Variants in CHRDL2 observed in about 807,000 individuals in gnomAD.
The protein encoded by CHRDL2 is chordin like 2.
Under a neutral mutation model 54.3 loss-of-function variants are expected in CHRDL2, and 41 were observed. That is an observed-to-expected ratio of 0.76 (90% CI 0.59 to 0.98). CHRDL2 has a LOEUF of 0.98. CHRDL2 is among the 50% of genes least tolerant of loss of function. The pLI is 0.00. For missense variants in CHRDL2, 518 were observed against 562.4 expected (o/e 0.92, Z 0.80); for synonymous variants, 220 against 224.3 (o/e 0.98, Z 0.17).
chr11:74,729,545 C>T (rs2034620943), intron 1 of CHRDL2, among the ~76,000 whole-genome samples: 1 of 152,220 alleles, frequency 6.6e-6, no homozygotes, highest in Admixed American at 6.5e-5. Context: ...ATGTGAGTCT[C>T]ATGCTGCTGG....
intron 6 of CHRDL2, 30 bp downstream of exon 6, chr11:74,706,457 C>A (rs747478568): frequency 6.2e-7 from 1 of 1,611,786 alleles, no homozygotes; most frequent in Non-Finnish European, 8.5e-7. Context: ...CCCCCTGTCC[C>A]GCACCCCGTC....
At chr11:74,724,168 G>A (rs2034538291) in intron 1 of CHRDL2, among the ~76,000 whole-genome samples, 1 of 152,206 alleles carries the variant, frequency 6.6e-6, no homozygotes, top group South Asian at 2.1e-4. Flanking sequence ...GCTGGATCTT[G>A]GAGAAATTAA....
intron 9 of CHRDL2, chr11:74,697,762 G>A (rs534333569): frequency 2.6e-5 from 8 of 303,456 alleles, no homozygotes; most frequent in African/African-American, 1.5e-4. Context: ...AAGGCAGGAG[G>A]GAGAGGAGGA....
At chr11:74,697,761 G>A in intron 9 of CHRDL2, 1 of 301,898 alleles carries the variant, frequency 3.3e-6, no homozygotes, top group Non-Finnish European at 6.6e-6. Context: ...GAAGGCAGGA[G>A]GGAGAGGAGG....
chr11:74,712,402 G>A (rs140113340), intron 3 of CHRDL2, among the ~76,000 whole-genome samples: 2 of 152,262 alleles, frequency 1.3e-5, no homozygotes, highest in Non-Finnish European at 2.9e-5. Context: ...TTAGCAACAA[G>A]AGGCCTGGGC....
Position 74,722,551 on chromosome 11 carries a change from T to TA in CHRDL2, c.83-3720dup, listed in dbSNP as rs34163640. ...TATTATATGCTCAACTAAATAGGTT[T>TA]AAAAAAAAACAGATCTGGGCACTGA... On this transcript the variant is annotated intron_variant, in intron 1 of 10. Coordinates refer to ENST00000376332, the MANE Select transcript of CHRDL2 (RefSeq NM_001278473.3). Among the ~76,000 whole-genome samples the TA allele has an allele frequency of 3.4e-4, 51 of 151,252 alleles. No individual in the cohort carries two copies. The South Asian group carries it at 6.9e-3, about 21-fold the overall frequency.
intron 1 of CHRDL2, among the ~76,000 whole-genome samples, chr11:74,726,709 G>T (rs2034577076): frequency 1.3e-5 from 2 of 152,204 alleles, no homozygotes; most frequent in African/African-American, 4.8e-5. Context: ...CTGTTGCCGG[G>T]CTCAGGCTCA....
rs777303457 is a variant in CHRDL2, at chr11:74,703,295, C to A, written c.946+10G>T. ...CCAGCGCCCTCCTTGCTCCCAGTGC[C>A]CCTGTGTACCTGGGCAAATCTTGCA... On this transcript the variant is annotated intron_variant, in intron 8 of 10. Transcript: ENST00000376332. 8.2e-6 allele frequency: 13 copies of A among 1,586,496 alleles called. No homozygotes were observed. In the South Asian group the frequency reaches 1.5e-4, roughly 18 times the overall value.
At chr11:74,725,768 G>T (rs1368519320) in intron 1 of CHRDL2, among the ~76,000 whole-genome samples, 1 of 152,178 alleles carries the variant, frequency 6.6e-6, no homozygotes, top group Non-Finnish European at 1.5e-5. Flanking sequence ...GAGGAGAGAG[G>T]TCTGGAATTG....
intron 9 of CHRDL2, chr11:74,699,239 T>C (rs1207331215): frequency 6.6e-6 from 1 of 152,300 alleles, no homozygotes; most frequent in East Asian, 1.9e-4. Flanking sequence ...GTGGCAGGGA[T>C]GAGGGCGGGT....
chr11:74,699,979 C>G (rs569269284), intron 9 of CHRDL2, among the ~76,000 whole-genome samples: 1 of 152,358 alleles, frequency 6.6e-6, no homozygotes, highest in East Asian at 1.9e-4. Context: ...GGCCTGGTGA[C>G]AATGAGATTG....
intron 2 of CHRDL2, among the ~76,000 whole-genome samples, chr11:74,714,745 G>A (rs1241374979): frequency 2.0e-5 from 3 of 152,236 alleles, no homozygotes; most frequent in Non-Finnish European, 4.4e-5. Context: ...TGAGAAACTA[G>A]GATGGAGTGC....
chr11:74,718,677 A>C, intron 2 of CHRDL2, 43 bp downstream of exon 2: 1 of 1,362,392 alleles, frequency 7.3e-7, no homozygotes, highest in Middle Eastern at 1.9e-4. Flanking sequence ...GAGGGTTCTC[A>C]GACATCCCTG....
intron 1 of CHRDL2, among the ~76,000 whole-genome samples, chr11:74,730,586 CCCT>C (rs1404702573): frequency 2.0e-5 from 3 of 152,212 alleles, no homozygotes; most frequent in African/African-American, 7.2e-5. Flanking sequence ...CCCTTGGTGC[CCCT>C]CCTCAGGTCC....
In CHRDL2 at chr11:74,710,943, TGCTGGCAGGACTTTGG is replaced by T; in HGVS notation, c.322_337del (p.Pro108ThrfsTer82). 1 of 1,614,150 alleles carries T rather than the reference TGCTGGCAGGACTTTGG, an allele frequency of 6.2e-7. No individual in the cohort carries two copies. Among genetic ancestry groups the T allele is most frequent in the Non-Finnish European group, 8.5e-7 (1 of 1,180,014 alleles). ...TCCGTGTTGGTACATGGTCCCGTTG[TGCTGGCAGGACTTTGG>T]TGGGGCCCGGAGTCCAGAGGGAGTG... On this transcript the variant is annotated frameshift_variant, in exon 4 of 11. Transcript: ENST00000376332. LOFTEE classifies it high-confidence loss of function.
intron 2 of CHRDL2, 38 bp from the exon 3 acceptor site, chr11:74,713,517 C>A: frequency 1.3e-6 from 2 of 1,526,072 alleles, no homozygotes; most frequent in Non-Finnish European, 1.8e-6. Context: ...GTTCAAAGAA[C>A]CATCGTCTTC....
At position 74,708,331 on chromosome 11, in the gene CHRDL2, A is replaced by G; in HGVS notation, c.497T>C (p.Leu166Pro). ...PEPGCPAPLP[L>P]PDSCCQACKD... The stretch of plus-strand genomic sequence containing the variant: ...GCAGGCCTGGCAGCAGGAGTCTGGC[A>G]GCGGGAGGGGTGCTGGGCAGCCTGG... Residue 166 changes from leucine to proline, a missense_variant, in exon 5 of 11, where the codon CTG (leucine) becomes CCG (proline). Coordinates refer to ENST00000376332, the MANE Select transcript of CHRDL2 (RefSeq NM_001278473.3). The G allele has an allele frequency of 6.3e-7, 1 of 1,580,482 alleles. No homozygotes were observed. Among genetic ancestry groups the G allele is most frequent in the Non-Finnish European group, 8.6e-7 (1 of 1,167,506 alleles).
chr11:74,700,389 CA>C (rs1205731451), intron 9 of CHRDL2, among the ~76,000 whole-genome samples: 1 of 152,060 alleles, frequency 6.6e-6, no homozygotes. Flanking sequence ...TTTTTAGTGA[CA>C]CTATCTGTTC....
chr11:74,713,237 G>T, intron 3 of CHRDL2, 149 bp downstream of exon 3: 1 of 626,464 alleles, frequency 1.6e-6, no homozygotes, highest in Non-Finnish European at 2.8e-6. Context: ...GGGGATCTGG[G>T]ATATTTCCTC....
Sources: gnomAD v4.1 joint callset for allele counts (sites outside exome capture counted in the v4.1 genomes callset) on GRCh38, gnomAD v4.1.1 for gene constraint, MANE v1.5 for transcripts, NCBI Gene and HGNC (gene_info 2026-07-23, HGNC 2026-07-21) for gene names.